KCNQ5: variants seen among roughly 807,000 people sequenced by gnomAD.
KCNQ5 encodes the protein potassium voltage-gated channel subfamily KQT member 5.
KCNQ5 carries 30 observed loss-of-function variants against 98.2 expected under a neutral mutation model. The ratio of observed to expected loss-of-function variants is 0.31; its 90% confidence interval spans 0.23 to 0.41. The LOEUF (loss-of-function observed/expected upper bound fraction) is 0.41, where lower values mean the gene tolerates loss of function less well. Ranked by LOEUF, KCNQ5 falls within the 10% of genes least tolerant of loss-of-function variation. KCNQ5 has a pLI of 1.00. For synonymous variants in KCNQ5, 458 were observed against 449.4 expected (o/e 1.02, Z -0.24); for missense variants, 835 against 1,182.5 (o/e 0.71, Z 4.31).
At chr6:72,763,323 T>C (rs563889949) in intron 1 of KCNQ5, among the ~76,000 whole-genome samples, 1 of 152,138 alleles carries the variant, frequency 6.6e-6, no homozygotes, top group South Asian at 2.1e-4. Context: ...ATAAACACTA[T>C]CTGTGTAGAC....
intron 1 of KCNQ5, among the ~76,000 whole-genome samples, chr6:72,862,347 A>G (rs941049394): frequency 6.6e-6 from 1 of 152,166 alleles, no homozygotes; most frequent in Non-Finnish European, 1.5e-5. Context: ...AGTGTTTTCA[A>G]TCTGCCAAAG....
chr6:73,194,807 C>T lies in KCNQ5; in HGVS notation c.2192C>T (p.Thr731Ile), dbSNP rs778104038. The T allele has an allele frequency of 1.9e-6, 3 of 1,614,090 alleles. No homozygotes were observed. In the African/African-American group the frequency reaches 4.0e-5, roughly 22 times the overall value. Residue 731 changes from threonine (T) to isoleucine (I), a missense_variant, in exon 14 of 14, where the codon ACC becomes ATC. Physicochemically the swap from Thr to Ile is moderately conservative, Grantham distance 89. Around this residue, in one of 10 missense-constraint regions of KCNQ5, gnomAD observed 416 missense variants for 446.9 expected, o/e 0.93. Transcript: ENST00000370398. ...SDGSAVAATN[T>I]IANQINTAPK... ...GGCTCAGCAGTGGCAGCCACCAACA[C>T]CATTGCAAACCAAATAAATACGGCA... is the stretch of plus-strand genomic sequence containing the variant.
intron 6 of KCNQ5, among the ~76,000 whole-genome samples, chr6:73,108,890 T>A (rs1156781719): frequency 6.6e-6 from 1 of 152,210 alleles, no homozygotes; most frequent in African/African-American, 2.4e-5. Flanking sequence ...TATGTGTGGG[T>A]TACAAATTAG....
intron 2 of KCNQ5, among the ~76,000 whole-genome samples, chr6:73,030,710 G>T (rs1182499966): frequency 1.3e-5 from 2 of 152,126 alleles, no homozygotes; most frequent in African/African-American, 4.8e-5. Context: ...TCTCCCAGTG[G>T]CACATGGCAG....
chr6:72,835,102 T>A (rs1173661667), intron 1 of KCNQ5, among the ~76,000 whole-genome samples: 1 of 152,118 alleles, frequency 6.6e-6, no homozygotes, highest in Non-Finnish European at 1.5e-5. Context: ...ACAACATGAA[T>A]TTTCTCCAGA....
intron 5 of KCNQ5, among the ~76,000 whole-genome samples, chr6:73,092,166 T>C (rs1254155010): frequency 6.6e-6 from 1 of 152,130 alleles, no homozygotes; most frequent in Non-Finnish European, 1.5e-5. Context: ...AGTTCTTGAT[T>C]TGATTCTCAG....
intron 2 of KCNQ5, among the ~76,000 whole-genome samples, chr6:73,032,485 G>A (rs1335131324): frequency 6.6e-6 from 1 of 152,058 alleles, no homozygotes; most frequent in Non-Finnish European, 1.5e-5. Context: ...GTTCTTAAGA[G>A]GAAGAAAAGC....
chr6:73,197,634 C>T lies in KCNQ5; in HGVS notation c.*2220C>T, dbSNP rs1765843981. 8.7e-6 allele frequency: 1 copy of T among 115,214 alleles called. No individual in the cohort carries two copies. Among genetic ancestry groups the T allele is most frequent in the Non-Finnish European group, 2.0e-5 (1 of 50,776 alleles). 7.1% of individuals were successfully genotyped at this position (115,214 alleles called of 1,614,324 possible). Reference sequence around the variant, plus strand: ...ACACACACACACACACACACACACACACACACACCCCTCCACTGACCTAAA... The same window carrying T: ...ACACACACACACACACACACACACATACACACACCCCTCCACTGACCTAAA... On this transcript the variant is annotated 3_prime_UTR_variant, in exon 14 of 14. Coordinates refer to ENST00000370398, the MANE Select transcript of KCNQ5 (RefSeq NM_019842.4).
intron 10 of KCNQ5, among the ~76,000 whole-genome samples, chr6:73,151,189 C>T (rs1172102172): frequency 6.6e-6 from 1 of 152,100 alleles, no homozygotes; most frequent in Non-Finnish European, 1.5e-5. Context: ...GATATAAGCC[C>T]TTTGTTACAG....
At chr6:72,776,952 A>G (rs4499888) in intron 1 of KCNQ5, among the ~76,000 whole-genome samples, 81,953 of 151,904 alleles carry the variant, frequency 0.54, 22,557 homozygotes, top group Middle Eastern at 0.62. Flanking sequence ...GATGGGTGGG[A>G]TTTACACTGA....
chr6:72,757,335 G>C (rs187867494), intron 1 of KCNQ5, among the ~76,000 whole-genome samples: 133 of 152,240 alleles, frequency 8.7e-4, no homozygotes, highest in African/African-American at 3.0e-3. Flanking sequence ...TATATCTAAG[G>C]CATCTTTAAA....
intron 2 of KCNQ5, among the ~76,000 whole-genome samples, chr6:73,031,337 T>G (rs980550833): frequency 6.6e-6 from 1 of 152,176 alleles, no homozygotes; most frequent in Non-Finnish European, 1.5e-5. Flanking sequence ...TAAGAAGCCA[T>G]TCACCCTCTC....
At chr6:72,650,170 CT>C (rs1257254195) in intron 1 of KCNQ5, among the ~76,000 whole-genome samples, 1 of 152,048 alleles carries the variant, frequency 6.6e-6, no homozygotes, top group Non-Finnish European at 1.5e-5. Flanking sequence ...ATAATTTAAT[CT>C]GTATTAGGTC....
chr6:72,849,173 T>C (rs753956145), intron 1 of KCNQ5, among the ~76,000 whole-genome samples: 5 of 152,068 alleles, frequency 3.3e-5, no homozygotes, highest in Non-Finnish European at 7.4e-5. Flanking sequence ...CACCAGATTT[T>C]CCTTATGCAG....
chr6:73,194,387 TA>T, intron 13 of KCNQ5, 64 bp from the exon 14 acceptor site: 2 of 1,465,018 alleles, frequency 1.4e-6, no homozygotes, highest in Non-Finnish European at 1.8e-6. Context: ...TTTTCAAAAT[TA>T]AAAAATGAAG....
intron 1 of KCNQ5, among the ~76,000 whole-genome samples, chr6:72,891,188 T>A (rs957991363): frequency 2.6e-5 from 4 of 152,218 alleles, no homozygotes; most frequent in African/African-American, 9.6e-5. Context: ...CTTACTTTAA[T>A]TCCTTGTTTG....
At chr6:72,724,257 A>T (rs1277915917) in intron 1 of KCNQ5, among the ~76,000 whole-genome samples, 1 of 152,192 alleles carries the variant, frequency 6.6e-6, no homozygotes, top group African/African-American at 2.4e-5. Flanking sequence ...AGGAAGGGAA[A>T]ATCAAGCCAA....
intron 10 of KCNQ5, among the ~76,000 whole-genome samples, chr6:73,134,540 G>T (rs1233207769): frequency 2.6e-5 from 4 of 152,210 alleles, no homozygotes; most frequent in Non-Finnish European, 5.9e-5. Flanking sequence ...ATGATCTGAG[G>T]ATCCCTGCAG....
Position 72,941,966 on chromosome 6 carries a change from G to A in KCNQ5, c.399-61942G>A, listed in dbSNP as rs187375456. On this transcript the variant is annotated intron_variant, in intron 1 of 13. Transcript: ENST00000370398. Reference sequence around the variant, plus strand: ...ACAATGTTGTTTTGTAAGGGCATATGTCTGAAACACCATGCCTGTGAGAGG... The same window carrying A: ...ACAATGTTGTTTTGTAAGGGCATATATCTGAAACACCATGCCTGTGAGAGG... Among the ~76,000 whole-genome samples, 41 of 152,248 alleles carry A rather than the reference G, an allele frequency of 2.7e-4. 1 individual carries two copies. The highest frequency in any genetic ancestry group is 2.2e-3 in the Admixed American group (33 of 15,292).
Sources: gnomAD v4.1 joint callset for allele counts (sites outside exome capture counted in the v4.1 genomes callset) on GRCh38, gnomAD v4.1.1 for gene constraint, gnomAD v4.1.1 regional missense constraint, MANE v1.5 for transcripts, NCBI Gene and HGNC (gene_info 2026-07-23, HGNC 2026-07-21) for gene names.